Variants in METTL23 observed in about 807,000 individuals in gnomAD.
METTL23 encodes the protein methyltransferase 23, arginine, also known as histone-arginine methyltransferase METTL23.
In METTL23, 24 loss-of-function variants were observed where a neutral mutation model predicts 21.2. The observed-to-expected ratio is 1.13, with a 90% confidence interval of 0.82 to 1.59. The LOEUF is 1.59. Among genes scored for constraint, METTL23 ranks in the 40% most tolerant of loss-of-function variants. The pLI, the probability that METTL23 is intolerant of heterozygous loss-of-function variation, is 0.00. For missense variants in METTL23, 276 were observed against 221.4 expected (o/e 1.25, Z -1.57); for synonymous variants, 97 against 75.2 (o/e 1.29, Z -1.50).
At chr17:76,727,601 A>G (rs546021020) in intron 1 of METTL23, among the ~76,000 whole-genome samples, 1 of 152,230 alleles carries the variant, frequency 6.6e-6, no homozygotes, top group Admixed American at 6.5e-5. Flanking sequence ...ATTCATCCTT[A>G]TCTCTCACTT....
In METTL23 at chr17:76,733,627, C is replaced by T. The variant is rs267605063; in HGVS notation, c.514C>T (p.Leu172Phe). 1 of 1,613,852 alleles carries T rather than the reference C, an allele frequency of 6.2e-7. No individual in the cohort carries two copies. The highest frequency in any genetic ancestry group is 8.5e-7 in the Non-Finnish European group (1 of 1,179,836). The change falls in exon 5 of 5, where the codon CTT (leucine) becomes TTT (phenylalanine). Residue 172 changes from leucine to phenylalanine, a missense_variant. Physicochemically the swap from Leu to Phe is conservative, Grantham distance 22 (BLOSUM62 0). Coordinates refer to ENST00000341249, the MANE Select transcript of METTL23 (RefSeq NM_001080510.5). ...CAAAGAAGATATAGCAGAATCTACC[C>T]TTCCAGGAAGACATACAGTTGAAAT... The part of the protein sequence containing the change: ...ADKEDIAEST[L>F]PGRHTVEMLV...
chr17:76,727,058 C>T lies in METTL23; in HGVS notation c.-142C>T, dbSNP rs759989544. 6.6e-6 allele frequency: 3 copies of T among 454,890 alleles called. No homozygotes were observed. Among genetic ancestry groups the T allele is most frequent in the African/African-American group, 2.0e-5 (1 of 50,026 alleles). The allele number at this position is 454,890 out of a possible 1,614,324, so 28.2% of individuals were successfully genotyped here. A position where few individuals can be genotyped will look rare whatever the true frequency, so the allele number is the denominator to read the frequency against. ...GGTCCCCCGCCCGCCCGGGGCCCAACGACGCCCTACTGGGCGAGCACGATT... is the reference window on the plus strand; with the variant it reads ...GGTCCCCCGCCCGCCCGGGGCCCAATGACGCCCTACTGGGCGAGCACGATT... On this transcript the variant is annotated 5_prime_UTR_variant, in exon 1 of 5. It adds an upstream start codon to the 5' untranslated region. Coordinates refer to ENST00000341249, the MANE Select transcript of METTL23 (RefSeq NM_001080510.5).
chr17:76,726,800 G>A, upstream of METTL23: 1 of 168,262 alleles, frequency 5.9e-6, no homozygotes, highest in Non-Finnish European at 1.1e-5. Context: ...GCCCCGCCCC[G>A]CCCCGCCCCT....
At chr17:76,729,377 G>A (rs1043339142) in intron 1 of METTL23, among the ~76,000 whole-genome samples, 11 of 152,118 alleles carry the variant, frequency 7.2e-5, no homozygotes, top group African/African-American at 2.7e-4. Context: ...CACCGTGCCC[G>A]GCCCCTGACT....
At position 76,733,554 on chromosome 17, in the gene METTL23, A is replaced by G. The variant is rs374788268; in HGVS notation, c.441A>G (p.Lys147=). The G allele has an allele frequency of 4.7e-5, 76 of 1,613,594 alleles. No individual in the cohort carries two copies. Among genetic ancestry groups the G allele is most frequent in the Admixed American group, 1.7e-5 (1 of 59,962 alleles). ...GGTCACTTGAAGCTTTACTCTACAAATGGGATATGAAATGTGTCCACATTC... is the reference window on the plus strand; with the variant it reads ...GGTCACTTGAAGCTTTACTCTACAAGTGGGATATGAAATGTGTCCACATTC... The part of the protein sequence containing the change: ...ADWSLEALLY[K]WDMKCVHIPL... Residue 147 remains lysine (K), a synonymous_variant, in exon 5 of 5, where the codon AAA becomes AAG. Transcript: ENST00000341249.
intron 1 of METTL23, 124 bp downstream of exon 1, chr17:76,727,302 A>T: frequency 3.1e-6 from 1 of 322,032 alleles, no homozygotes; most frequent in Non-Finnish European, 6.2e-6. Context: ...CTTTAGGTTG[A>T]CCCCCGGAGC....
At chr17:76,730,156 G>T (rs1221539004) in intron 2 of METTL23, among the ~76,000 whole-genome samples, 1 of 152,082 alleles carries the variant, frequency 6.6e-6, no homozygotes, top group African/African-American at 2.4e-5. Context: ...GCCGGGCCTG[G>T]TGGTGCACGC....
chr17:76,733,614 A>C lies in METTL23; in HGVS notation c.501A>C (p.Ile167=). 6.8e-6 allele frequency: 11 copies of C among 1,613,964 alleles called. No individual in the cohort carries two copies. The highest frequency in any genetic ancestry group is 9.3e-6 in the Non-Finnish European group (11 of 1,179,874). The change falls in exon 5 of 5, where the codon ATA becomes ATC. Residue 167 remains isoleucine (I), a synonymous_variant. Transcript: ENST00000341249. ...CTTTTGATGCAGACAAAGAAGATAT[A>C]GCAGAATCTACCCTTCCAGGAAGAC... ...LESFDADKED[I]AESTLPGRHT...
At chr17:76,726,076 A>C (rs1025660329), upstream of METTL23, among the ~76,000 whole-genome samples, 2 of 152,148 alleles carry the variant, frequency 1.3e-5, no homozygotes, top group Admixed American at 1.3e-4. Flanking sequence ...CCCGCCGCCC[A>C]AAGGAGTCAG....
In METTL23 at chr17:76,733,723, C is replaced by T. The variant is rs2077352659; in HGVS notation, c.*37C>T. The T allele has an allele frequency of 1.3e-6, 2 of 1,566,860 alleles. No individual in the cohort carries two copies. The highest frequency in any genetic ancestry group is 1.9e-5 in the Admixed American group (1 of 53,684). On this transcript the variant is annotated 3_prime_UTR_variant, in exon 5 of 5. Coordinates refer to ENST00000341249, the MANE Select transcript of METTL23 (RefSeq NM_001080510.5). ...AACCTGTTCTGGGACAGTATCAATA[C>T]TGATGAGCAACCTGGCACACAAACT...
chr17:76,729,399 A>C (rs1369955229), intron 1 of METTL23, among the ~76,000 whole-genome samples: 1 of 152,002 alleles, frequency 6.6e-6, no homozygotes, highest in Non-Finnish European at 1.5e-5. Flanking sequence ...GAAATATCTT[A>C]TTTGCTTGCT....
upstream of METTL23, chr17:76,726,489 C>T (rs755041881): frequency 2.5e-6 from 4 of 1,585,464 alleles, no homozygotes; most frequent in South Asian, 3.4e-5. Context: ...GCGGGGTCGC[C>T]AGCTGGTTCC....
At chr17:76,728,323 A>G (rs182361915) in intron 1 of METTL23, among the ~76,000 whole-genome samples, 1 of 143,538 alleles carries the variant, frequency 7.0e-6, no homozygotes, top group East Asian at 1.9e-4. Flanking sequence ...TGCAACCTCA[A>G]CCTCTGGGCT....
intron 1 of METTL23, among the ~76,000 whole-genome samples, chr17:76,728,868 A>G (rs1207354098): frequency 7.4e-6 from 1 of 135,964 alleles, no homozygotes; most frequent in East Asian, 2.1e-4. Context: ...ATCTCTGCTC[A>G]CTGCAAGCTC....
At position 76,726,994 on chromosome 17, in the gene METTL23, CT is replaced by C; in HGVS notation, c.-204del. On this transcript the variant is annotated 5_prime_UTR_variant, in exon 1 of 5. Transcript: ENST00000341249. ...GGTGCTACGGCCACGTGGCCCGCGG[CT>C]TCCCGCTCGCGCAGTCTGGCAGCCC... 1 of 456,434 alleles carries C rather than the reference CT, an allele frequency of 2.2e-6. No homozygotes were observed. The highest frequency in any genetic ancestry group is 4.4e-6 in the Non-Finnish European group (1 of 226,832). The allele number at this position is 456,434 out of a possible 1,614,324, so 28.3% of individuals were successfully genotyped here.
Position 76,733,568 on chromosome 17 carries a change from G to A in METTL23, c.455G>A (p.Cys152Tyr), listed in dbSNP as rs779044537. The change falls in exon 5 of 5, where the codon TGT (cysteine) becomes TAT (tyrosine). Residue 152 changes from cysteine (C) to tyrosine (Y), a missense_variant. By Grantham distance (194) the Cys-to-Tyr change is radical. Transcript: ENST00000341249. ...EALLYKWDMK[C>Y]VHIPLESFDA... Reference sequence around the variant, plus strand: ...TTACTCTACAAATGGGATATGAAATGTGTCCACATTCCTCTTGAGTCTTTT... The same window carrying A: ...TTACTCTACAAATGGGATATGAAATATGTCCACATTCCTCTTGAGTCTTTT... The A allele has an allele frequency of 6.2e-7, 1 of 1,613,792 alleles. No individual in the cohort carries two copies. The highest frequency in any genetic ancestry group is 1.7e-5 in the Admixed American group (1 of 60,014).
At chr17:76,726,790 G>GC, upstream of METTL23, 2 of 373,646 alleles carry the variant, frequency 5.4e-6, no homozygotes, top group South Asian at 2.2e-5. Flanking sequence ...CTGCGTCACC[G>GC]CCCCGCCCCG....
chr17:76,732,909 G>T (rs940531420), intron 2 of METTL23, 69 bp from the exon 3 acceptor site: 10 of 1,279,298 alleles, frequency 7.8e-6, no homozygotes, highest in Admixed American at 4.0e-5. Flanking sequence ...TAATGAAAAA[G>T]TACTAAGATT....
At chr17:76,731,776 C>A (rs568576222) in intron 2 of METTL23, among the ~76,000 whole-genome samples, 1 of 152,126 alleles carries the variant, frequency 6.6e-6, no homozygotes, top group Non-Finnish European at 1.5e-5. Context: ...TTTTACTACA[C>A]CAAGTAAATG....
Sources: gnomAD v4.1 joint callset for allele counts (sites outside exome capture counted in the v4.1 genomes callset) on GRCh38, gnomAD v4.1.1 for gene constraint, MANE v1.5 for transcripts, NCBI Gene and HGNC (gene_info 2026-07-23, HGNC 2026-07-21) for gene names.